Variants in CLRN1 observed in about 807,000 individuals in gnomAD.
The protein encoded by CLRN1 is clarin-1.
In CLRN1, 15 loss-of-function variants were observed where a neutral mutation model predicts 18.7. That is an observed-to-expected ratio of 0.80 (90% CI 0.54 to 1.23). The LOEUF is 1.23. Among genes scored for constraint, CLRN1 ranks in the 50% most tolerant of loss-of-function variants. CLRN1 has a pLI of 0.00. For missense variants in CLRN1, 311 were observed against 277.5 expected, an observed-to-expected ratio of 1.12 and a Z score of -0.86; for synonymous variants, 104 against 102.9, an observed-to-expected ratio of 1.01 and a Z score of -0.07.
At chr3:150,940,979 A>T (rs911833665) in intron 2 of CLRN1, among the ~76,000 whole-genome samples, 12 of 152,088 alleles carry the variant, frequency 7.9e-5, no homozygotes, top group Non-Finnish European at 1.8e-4. Context: ...CTCTTTTTTG[A>T]TGCCATTTAT....
At chr3:150,950,310 A>G (rs1714414196) in intron 1 of CLRN1, among the ~76,000 whole-genome samples, 1 of 152,246 alleles carries the variant, frequency 6.6e-6, no homozygotes, top group South Asian at 2.1e-4. Context: ...AAATTGACAA[A>G]TGGGATCTAA....
intron 1 of CLRN1, among the ~76,000 whole-genome samples, chr3:150,966,381 T>C (rs1405064387): frequency 1.3e-5 from 2 of 152,216 alleles, no homozygotes; most frequent in African/African-American, 4.8e-5. Context: ...CTTGCCATTA[T>C]CAGTTTAAGA....
chr3:150,951,633 C>T (rs376214688), intron 1 of CLRN1, among the ~76,000 whole-genome samples: 4 of 152,124 alleles, frequency 2.6e-5, no homozygotes, highest in African/African-American at 4.8e-5. Flanking sequence ...TCACCGCGCC[C>T]GGCCTGAGAC....
intron 1 of CLRN1, among the ~76,000 whole-genome samples, chr3:150,945,161 A>G (rs1714100727): frequency 6.6e-6 from 1 of 152,188 alleles, no homozygotes; most frequent in Non-Finnish European, 1.5e-5. Context: ...TCCTAGCCCT[A>G]GTATTTAAAC....
chr3:150,933,541 A>G (rs543524138), intron 2 of CLRN1, among the ~76,000 whole-genome samples: 1 of 152,178 alleles, frequency 6.6e-6, no homozygotes, highest in South Asian at 2.1e-4. Context: ...TGAAGAGGGG[A>G]GGAAGGTAAG....
intron 2 of CLRN1, among the ~76,000 whole-genome samples, chr3:150,938,963 G>A (rs912657644): frequency 1.3e-5 from 2 of 152,180 alleles, no homozygotes; most frequent in African/African-American, 4.8e-5. Flanking sequence ...CTGTTAGTTT[G>A]GTCGTCTGTC....
chr3:150,934,738 T>C (rs538400219), intron 2 of CLRN1, among the ~76,000 whole-genome samples: 1 of 152,322 alleles, frequency 6.6e-6, no homozygotes, highest in East Asian at 1.9e-4. Context: ...CTAAAAACTA[T>C]GAATCTAATT....
At chr3:150,954,779 T>C (rs542017163) in intron 1 of CLRN1, among the ~76,000 whole-genome samples, 3 of 152,230 alleles carry the variant, frequency 2.0e-5, no homozygotes, top group Non-Finnish European at 4.4e-5. Flanking sequence ...AGGTTATTTT[T>C]TGTGTATGGT....
intron 1 of CLRN1, among the ~76,000 whole-genome samples, chr3:150,956,772 T>G (rs767047445): frequency 8.5e-5 from 13 of 152,184 alleles, no homozygotes; most frequent in Non-Finnish European, 1.5e-4. Context: ...GCCTCTGATC[T>G]GTGGGCCCAC....
intron 1 of CLRN1, among the ~76,000 whole-genome samples, chr3:150,970,234 A>C (rs548201389): frequency 1.3e-5 from 2 of 152,332 alleles, no homozygotes; most frequent in South Asian, 4.1e-4. Context: ...ATCAGGAAGA[A>C]TATCAGAGGA....
chr3:150,932,475 C>T (rs904698841), intron 2 of CLRN1, among the ~76,000 whole-genome samples: 5 of 152,172 alleles, frequency 3.3e-5, no homozygotes, highest in Admixed American at 2.6e-4. Flanking sequence ...ACTGGAATTT[C>T]AATTCCATTT....
intron 2 of CLRN1, chr3:150,941,331 C>G: frequency 2.4e-6 from 1 of 408,502 alleles, no homozygotes; most frequent in Non-Finnish European, 4.4e-6. Context: ...AGCGTTTATC[C>G]TCTTGATTAC....
rs757051089 is a variant in CLRN1, at chr3:150,928,023, G to A, written c.612C>T (p.Leu204=). 9 of 1,614,124 alleles carry A rather than the reference G, an allele frequency of 5.6e-6. No individual in the cohort carries two copies. Among genetic ancestry groups the A allele is most frequent in the South Asian group, 1.1e-5 (1 of 91,080 alleles). ...FCFFVHFLNG[L]LIRLAGFQFP... is the part of the protein sequence containing the mutation. Reference sequence around the variant, plus strand: ...ACTGAAATCCAGCAAGTCGTATTAGGAGCCCATTCAGAAAATGAACAAAAA... The same window carrying A: ...ACTGAAATCCAGCAAGTCGTATTAGAAGCCCATTCAGAAAATGAACAAAAA... The change falls in exon 3 of 3, where the codon CTC becomes CTT. Residue 204 remains leucine (L), a synonymous_variant. Coordinates refer to ENST00000327047, the MANE Select transcript of CLRN1 (RefSeq NM_174878.3).
At chr3:150,938,418 A>G (rs1020589334) in intron 2 of CLRN1, among the ~76,000 whole-genome samples, 1 of 152,164 alleles carries the variant, frequency 6.6e-6, no homozygotes, top group East Asian at 1.9e-4. Flanking sequence ...CAGGGTCTGC[A>G]TGGACATTAC....
At position 150,951,199 on chromosome 3, in the gene CLRN1, C is replaced by T. The variant is rs539407304; in HGVS notation, c.254-9438G>A. 3.5e-4 allele frequency among the ~76,000 whole-genome samples: 54 copies of T among 152,176 alleles called. 1 individual carries two copies. Among genetic ancestry groups the T allele is most frequent in the African/African-American group, 9.9e-4 (41 of 41,506 alleles). ...GGAAAGAATCTGTACAACAAATCCT[C>T]ATGACAGGAGTTTACCTATGTAACA... On this transcript the variant is annotated intron_variant, in intron 1 of 2. Coordinates refer to ENST00000327047, the MANE Select transcript of CLRN1 (RefSeq NM_174878.3).
intron 1 of CLRN1, among the ~76,000 whole-genome samples, chr3:150,955,619 G>A (rs1200141876): frequency 1.3e-5 from 2 of 152,076 alleles, no homozygotes; most frequent in African/African-American, 2.4e-5. Context: ...AACACACTTG[G>A]GGGATTGTCA....
chr3:150,931,892 G>A (rs1261505784), intron 2 of CLRN1, among the ~76,000 whole-genome samples: 1 of 152,166 alleles, frequency 6.6e-6, no homozygotes, highest in African/African-American at 2.4e-5. Context: ...AATAAGCCAG[G>A]ACTGTGGAAA....
At chr3:150,938,475 A>G (rs1226883770) in intron 2 of CLRN1, among the ~76,000 whole-genome samples, 1 of 152,174 alleles carries the variant, frequency 6.6e-6, no homozygotes, top group African/African-American at 2.4e-5. Context: ...TCTGGGTACC[A>G]TATGAGATTT....
intron 1 of CLRN1, among the ~76,000 whole-genome samples, chr3:150,972,250 T>C (rs1039097628): frequency 6.6e-6 from 1 of 152,140 alleles, no homozygotes; most frequent in South Asian, 2.1e-4. Flanking sequence ...TAACAATGAA[T>C]TAACTCTATA....
Sources: gnomAD v4.1 joint callset for allele counts (sites outside exome capture counted in the v4.1 genomes callset) on GRCh38, gnomAD v4.1.1 for gene constraint, MANE v1.5 for transcripts, NCBI Gene and HGNC (gene_info 2026-07-23, HGNC 2026-07-21) for gene names.